ACTR3C: variants seen among roughly 807,000 people sequenced by gnomAD.
ACTR3C encodes the protein actin related protein 3C.
A neutral mutation model predicts 26.3 loss-of-function variants in ACTR3C; 18 were observed. That is an observed-to-expected ratio of 0.68 (90% CI 0.47 to 1.01). ACTR3C has a LOEUF of 1.01. Among genes scored for constraint, ACTR3C ranks in the 50% least tolerant of loss-of-function variants. The pLI is 0.00. For synonymous variants in ACTR3C, 55 were observed against 94.5 expected (o/e 0.58, Z 2.42); for missense variants, 184 against 250.7 (o/e 0.73, Z 1.80).
the ACTR3C span, among the ~76,000 whole-genome samples, chr7:150,106,988 G>A: frequency 0.048 from 6,012 of 125,732 alleles, 232 homozygotes; most frequent in South Asian, 0.12. Context: ...AGATCATTGA[G>A]GTGATATAAC....
chr7:150,038,858 T>G, the ACTR3C span, among the ~76,000 whole-genome samples: 1 of 130,706 alleles, frequency 7.7e-6, no homozygotes, highest in Non-Finnish European at 1.6e-5. Flanking sequence ...AACCAGGGGC[T>G]GGCTCTCAGT....
the ACTR3C span, among the ~76,000 whole-genome samples, chr7:149,945,685 C>T: frequency 6.6e-6 from 1 of 152,052 alleles, no homozygotes; most frequent in African/African-American, 2.4e-5. Flanking sequence ...CAATCAGGTG[C>T]CCCAGGTCTA....
chr7:150,035,316 C>T, the ACTR3C span, among the ~76,000 whole-genome samples: 1 of 47,170 alleles, frequency 2.1e-5, no homozygotes, highest in Non-Finnish European at 5.0e-5. Flanking sequence ...GATGGGGGTA[C>T]CAACAGCCAG....
At chr7:150,320,576 AAT>A (rs1214595587) in intron 1 of ACTR3C, among the ~76,000 whole-genome samples, 1 of 152,230 alleles carries the variant, frequency 6.6e-6, no homozygotes, top group Non-Finnish European at 1.5e-5. Flanking sequence ...CAGGCTGGCC[AAT>A]ATGGCAAAAC....
chr7:149,948,758 G>A, the ACTR3C span, among the ~76,000 whole-genome samples: 11 of 152,140 alleles, frequency 7.2e-5, no homozygotes, highest in East Asian at 2.1e-3. Flanking sequence ...GGCAAGCCAT[G>A]GCTCACTAAA....
chr7:150,039,718 C>T, the ACTR3C span, among the ~76,000 whole-genome samples: 12 of 144,134 alleles, frequency 8.3e-5, no homozygotes, highest in African/African-American at 3.0e-4. Context: ...GGGTCTGGCT[C>T]TCAGTCCCCA....
intron 4 of ACTR3C, among the ~76,000 whole-genome samples, chr7:150,287,119 G>C (rs4487662): frequency 6.6e-6 from 1 of 151,874 alleles, no homozygotes; most frequent in East Asian, 1.9e-4. Context: ...TCTTTGCCTA[G>C]AGACAGTGTA....
the ACTR3C span, among the ~76,000 whole-genome samples, chr7:150,096,189 G>A: frequency 2.7e-5 from 4 of 149,314 alleles, 1 homozygote; most frequent in South Asian, 2.1e-4. Context: ...TTCCTTCATC[G>A]AGAGTTTCCA....
At chr7:150,070,410 C>T in the ACTR3C span, among the ~76,000 whole-genome samples, 1 of 152,176 alleles carries the variant, frequency 6.6e-6, no homozygotes, top group South Asian at 2.1e-4. Flanking sequence ...TTCAGAAAAA[C>T]ATCGGTCAGG....
the ACTR3C span, among the ~76,000 whole-genome samples, chr7:149,999,185 A>G: frequency 3.3e-5 from 5 of 150,960 alleles, no homozygotes; most frequent in Admixed American, 6.7e-5. Flanking sequence ...TGTTGGGGTA[A>G]TTTATTACAT....
chr7:150,208,944 A>T, the ACTR3C span, among the ~76,000 whole-genome samples: 1 of 152,168 alleles, frequency 6.6e-6, no homozygotes, highest in Non-Finnish European at 1.5e-5. Context: ...GACAACATTA[A>T]CAAGACCCAA....
At chr7:150,309,176 T>G (rs904427545) in intron 1 of ACTR3C, among the ~76,000 whole-genome samples, 2 of 152,116 alleles carry the variant, frequency 1.3e-5, no homozygotes, top group African/African-American at 4.8e-5. Context: ...CATGGTCTCT[T>G]GCCTAGTTGA....
the ACTR3C span, among the ~76,000 whole-genome samples, chr7:150,219,450 G>A: frequency 6.2e-5 from 9 of 145,298 alleles, 1 homozygote; most frequent in South Asian, 1.5e-3. Context: ...ATTGCTGTGC[G>A]GCTTCCCTAT....
the ACTR3C span, among the ~76,000 whole-genome samples, chr7:150,091,795 A>G: frequency 2.7e-5 from 4 of 150,002 alleles, no homozygotes; most frequent in African/African-American, 4.9e-5. Context: ...ATCCTGGCTA[A>G]CACGGTGAAA....
At chr7:150,125,839 T>C in the ACTR3C span, among the ~76,000 whole-genome samples, 10,282 of 152,176 alleles carry the variant, frequency 0.068, 458 homozygotes, top group Non-Finnish European at 0.099. Context: ...TGTGAGCCCT[T>C]GCTTGGACAT....
the ACTR3C span, among the ~76,000 whole-genome samples, chr7:150,138,367 G>GCTC: frequency 1.3e-5 from 2 of 152,188 alleles, no homozygotes; most frequent in Non-Finnish European, 2.9e-5. Context: ...GGAAGAAGGA[G>GCTC]CCACTAGCAT....
chr7:150,009,760 G>A, the ACTR3C span, among the ~76,000 whole-genome samples: 4 of 152,200 alleles, frequency 2.6e-5, no homozygotes, highest in Non-Finnish European at 5.9e-5. Context: ...TGTTAAAAAG[G>A]CTCTCTAGCT....
the ACTR3C span, among the ~76,000 whole-genome samples, chr7:150,035,307 A>T: frequency 4.0e-5 from 2 of 50,506 alleles, 1 homozygote; most frequent in African/African-American, 1.2e-4. Flanking sequence ...CCCCCTTGCG[A>T]TGGGGGTACC....
At chr7:150,111,861 T>C in the ACTR3C span, among the ~76,000 whole-genome samples, 1 of 148,576 alleles carries the variant, frequency 6.7e-6, no homozygotes, top group East Asian at 2.0e-4. Context: ...CCCCGTGTAA[T>C]GACCTGCGAA....
Sources: gnomAD v4.1 joint callset for allele counts (sites outside exome capture counted in the v4.1 genomes callset) on GRCh38, gnomAD v4.1.1 for gene constraint, MANE v1.5 for transcripts, NCBI Gene and HGNC (gene_info 2026-07-23, HGNC 2026-07-21) for gene names.